The following ABTB3 variants were observed in gnomAD, a reference collection of about 807,000 sequenced individuals.
ABTB3 encodes ankyrin repeat and BTB domain containing 3.
the ABTB3 span, among the ~76,000 whole-genome samples, chr12:107,414,363 A>C: frequency 6.6e-6 from 1 of 152,228 alleles, no homozygotes; most frequent in East Asian, 1.9e-4. Flanking sequence ...TCATTCCCCT[A>C]CTTAAAACTG....
At chr12:107,577,187 G>T in the ABTB3 span, among the ~76,000 whole-genome samples, 1 of 152,096 alleles carries the variant, frequency 6.6e-6, no homozygotes, top group East Asian at 1.9e-4. Flanking sequence ...TGACCTTATG[G>T]CCCACAAAGC....
chr12:107,646,373 A>C, the ABTB3 span, among the ~76,000 whole-genome samples: 1 of 152,240 alleles, frequency 6.6e-6, no homozygotes, highest in African/African-American at 2.4e-5. Flanking sequence ...GGAATATAGG[A>C]GACCACGTGC....
At chr12:107,576,456 G>A in the ABTB3 span, among the ~76,000 whole-genome samples, 1 of 152,166 alleles carries the variant, frequency 6.6e-6, no homozygotes, top group African/African-American at 2.4e-5. Context: ...TTGCCCCACT[G>A]TGCACACACA....
At chr12:107,423,846 A>G in the ABTB3 span, among the ~76,000 whole-genome samples, 1 of 152,238 alleles carries the variant, frequency 6.6e-6, no homozygotes, top group Admixed American at 6.5e-5. Context: ...TCATTGAAGT[A>G]ACAGTTCCTC....
At chr12:107,647,577 G>A in the ABTB3 span, among the ~76,000 whole-genome samples, 37 of 152,292 alleles carry the variant, frequency 2.4e-4, no homozygotes, top group African/African-American at 7.7e-4. Context: ...ACACACATGC[G>A]AAAAGCAGTC....
At chr12:107,479,184 C>T in the ABTB3 span, among the ~76,000 whole-genome samples, 1 of 152,130 alleles carries the variant, frequency 6.6e-6, no homozygotes, top group Non-Finnish European at 1.5e-5. Context: ...TCAGACTAAA[C>T]ACAAGGGTGC....
the ABTB3 span, among the ~76,000 whole-genome samples, chr12:107,398,102 G>A: frequency 6.6e-6 from 1 of 152,116 alleles, no homozygotes; most frequent in Admixed American, 6.5e-5. Context: ...TAGCTTTTGT[G>A]TGAATTACAG....
chr12:107,541,159 C>T, the ABTB3 span, among the ~76,000 whole-genome samples: 1 of 152,202 alleles, frequency 6.6e-6, no homozygotes, highest in Non-Finnish European at 1.5e-5. Context: ...AGTGGCCCCT[C>T]CCTCAGACAG....
the ABTB3 span, among the ~76,000 whole-genome samples, chr12:107,418,159 C>T: frequency 2.4e-4 from 36 of 152,280 alleles, no homozygotes; most frequent in Non-Finnish European, 3.7e-4. Context: ...GGGTGAGCAC[C>T]ATCTAATCAG....
At chr12:107,635,503 C>T in the ABTB3 span, 1 of 914,410 alleles carries the variant, frequency 1.1e-6, no homozygotes, top group Non-Finnish European at 1.7e-6. Flanking sequence ...CAAACAAGGT[C>T]AGTACAGGAG....
chr12:107,579,666 C>A, the ABTB3 span, among the ~76,000 whole-genome samples: 3 of 152,206 alleles, frequency 2.0e-5, no homozygotes, highest in Non-Finnish European at 4.4e-5. Flanking sequence ...GACTTATAAC[C>A]CCATCTACCT....
the ABTB3 span, among the ~76,000 whole-genome samples, chr12:107,651,196 AG>A: frequency 1.3e-5 from 2 of 152,114 alleles, no homozygotes; most frequent in African/African-American, 4.8e-5. Context: ...CTATTGAGGG[AG>A]GCAGACATGA....
the ABTB3 span, among the ~76,000 whole-genome samples, chr12:107,325,298 A>G: frequency 6.6e-6 from 1 of 152,156 alleles, no homozygotes; most frequent in Non-Finnish European, 1.5e-5. Context: ...CTGTCCCTAA[A>G]CTGGTCATGC....
chr12:107,520,822 GA>G, the ABTB3 span, among the ~76,000 whole-genome samples: 2 of 152,190 alleles, frequency 1.3e-5, no homozygotes. Flanking sequence ...TAAGAGCTCT[GA>G]AGCTGGCACA....
chr12:107,476,368 G>A, the ABTB3 span, among the ~76,000 whole-genome samples: 1 of 152,124 alleles, frequency 6.6e-6, no homozygotes. Flanking sequence ...GCATCTCGGA[G>A]GCATTTAATC....
the ABTB3 span, among the ~76,000 whole-genome samples, chr12:107,462,938 AT>A: frequency 6.7e-6 from 1 of 150,336 alleles, no homozygotes; most frequent in Non-Finnish European, 1.5e-5. Context: ...GACTGTGGTG[AT>A]GACGCTCTAG....
chr12:107,559,509 G>A, the ABTB3 span, among the ~76,000 whole-genome samples: 1 of 152,228 alleles, frequency 6.6e-6, no homozygotes, highest in Non-Finnish European at 1.5e-5. Context: ...CAGAGAGAAA[G>A]CACTGTCTGA....
the ABTB3 span, among the ~76,000 whole-genome samples, chr12:107,644,432 G>A: frequency 6.6e-6 from 1 of 152,070 alleles, no homozygotes. Flanking sequence ...ACCTTCTCCC[G>A]GTATCCCAAA....
At chr12:107,500,345 C>T in the ABTB3 span, among the ~76,000 whole-genome samples, 49 of 152,252 alleles carry the variant, frequency 3.2e-4, no homozygotes, top group Non-Finnish European at 5.6e-4. Flanking sequence ...CTTCCCCATG[C>T]CCACCCCCAG....
Sources: gnomAD v4.1 joint callset for allele counts (sites outside exome capture counted in the v4.1 genomes callset) on GRCh38, gnomAD v4.1.1 for gene constraint, MANE v1.5 for transcripts, NCBI Gene and HGNC (gene_info 2026-07-23, HGNC 2026-07-21) for gene names.